Variants in HECW1 observed in about 807,000 individuals in gnomAD.
HECW1 encodes E3 ubiquitin-protein ligase HECW1.
HECW1 carries 61 observed loss-of-function variants against 182.3 expected under a neutral mutation model. The ratio of observed to expected loss-of-function variants is 0.33; its 90% CI spans 0.27 to 0.41. HECW1 has a LOEUF of 0.41. HECW1 is among the 10% of genes least tolerant of loss of function. The pLI is 1.00. For synonymous variants in HECW1, 859 were observed against 832.6 expected, an observed-to-expected ratio of 1.03 and a Z score of -0.55; for missense variants, 1,739 against 2,108.9, an observed-to-expected ratio of 0.82 and a Z score of 3.44.
chr7:43,392,587 G>A (rs2152835332), intron 6 of HECW1, among the ~76,000 whole-genome samples: 1 of 152,276 alleles, frequency 6.6e-6, no homozygotes, highest in South Asian at 2.1e-4. Context: ...CCTTGCCCTT[G>A]GGCATAGCTG....
rs200043850 is a variant in HECW1 at position 43,295,108 on chromosome 7, C to A, written c.28-16655C>A. Among the ~76,000 whole-genome samples, 12 of 152,126 alleles carry A rather than the reference C, an allele frequency of 7.9e-5. No individual in the cohort carries two copies. In the East Asian group the frequency reaches 2.1e-3, roughly 27 times the overall value. On this transcript the variant is annotated intron_variant, in intron 3 of 29. Coordinates refer to ENST00000395891, the MANE Select transcript of HECW1 (RefSeq NM_015052.5). Reference sequence around the variant, plus strand: ...CAATTTACAGGAATAGTCACTTATGCCTTAGTCTGGCTTAGTGAAACAATA... The same window carrying A: ...CAATTTACAGGAATAGTCACTTATGACTTAGTCTGGCTTAGTGAAACAATA...
chr7:43,487,167 T>C (rs1050028128), intron 17 of HECW1, among the ~76,000 whole-genome samples: 2 of 152,194 alleles, frequency 1.3e-5, no homozygotes, highest in Non-Finnish European at 2.9e-5. Context: ...TCTCCAGTGT[T>C]TGCAGAGAGA....
intron 8 of HECW1, among the ~76,000 whole-genome samples, chr7:43,419,172 T>G (rs937368749): frequency 2.0e-5 from 3 of 152,222 alleles, no homozygotes; most frequent in African/African-American, 7.2e-5. Flanking sequence ...GCCCCAGGCT[T>G]CTTTGCCTGG....
At chr7:43,257,005 C>T (rs937274500) in intron 3 of HECW1, among the ~76,000 whole-genome samples, 1 of 152,184 alleles carries the variant, frequency 6.6e-6, no homozygotes, top group African/African-American at 2.4e-5. Flanking sequence ...ACTCTCTCTC[C>T]GTTCCCAAAT....
At chr7:43,542,800 G>A (rs532205052) in intron 26 of HECW1, among the ~76,000 whole-genome samples, 47 of 152,230 alleles carry the variant, frequency 3.1e-4, no homozygotes, top group African/African-American at 1.1e-3. Flanking sequence ...AATTCCTTGG[G>A]AACTACTTCC....
chr7:43,258,747 G>T (rs950609824), intron 3 of HECW1: 1 of 152,188 alleles, frequency 6.6e-6, no homozygotes, highest in Non-Finnish European at 1.5e-5. Flanking sequence ...TAGAGTTGTT[G>T]TTGGCCCTGT....
rs560420020 is a variant in HECW1, at chr7:43,264,812, C to G, written c.27+20880C>G. On this transcript the variant is annotated intron_variant, in intron 3 of 29. Coordinates refer to ENST00000395891, the MANE Select transcript of HECW1 (RefSeq NM_015052.5). ...TGAGCCGAGATCGCACCACTGCACT[C>G]CAGCCCGGGCGACAGAGTGAGACTC... Among the ~76,000 whole-genome samples, 31 of 149,864 alleles carry G rather than the reference C, an allele frequency of 2.1e-4. No homozygotes were observed. In the South Asian group the frequency reaches 6.6e-3, roughly 32 times the overall value.
chr7:43,153,562 G>A (rs1296432082), intron 2 of HECW1, among the ~76,000 whole-genome samples: 1 of 152,088 alleles, frequency 6.6e-6, no homozygotes, highest in African/African-American at 2.4e-5. Flanking sequence ...TGTTTTCTTT[G>A]TATTGGTTGT....
intron 2 of HECW1, among the ~76,000 whole-genome samples, chr7:43,221,537 GTTTTTTTTTTTTTTTTTTTTTTTTTT>G (rs71008897): frequency 6.1e-4 from 31 of 50,538 alleles, no homozygotes; most frequent in East Asian, 4.8e-3. Context: ...GAGGAATTAG[GTTTTTTTTTTTTTTTTTTTTTTTTTT>G]TTTTTTTTTT....
intron 6 of HECW1, among the ~76,000 whole-genome samples, chr7:43,377,434 C>A (rs2074376718): frequency 6.6e-6 from 1 of 152,130 alleles, no homozygotes; most frequent in South Asian, 2.1e-4. Context: ...TGCCCCCTCA[C>A]AATAATTAAT....
chr7:43,262,040 G>A (rs1480060463), intron 3 of HECW1, among the ~76,000 whole-genome samples: 1 of 151,950 alleles, frequency 6.6e-6, no homozygotes, highest in East Asian at 1.9e-4. Flanking sequence ...GGACAGTATG[G>A]TGAAACCCCG....
intron 5 of HECW1, among the ~76,000 whole-genome samples, chr7:43,358,685 T>C (rs770560372): frequency 3.3e-5 from 5 of 152,226 alleles, no homozygotes; most frequent in Non-Finnish European, 5.9e-5. Flanking sequence ...ATTTTAAGCC[T>C]ATTTTTAAGT....
chr7:43,123,770 A>G (rs906418783), intron 2 of HECW1, among the ~76,000 whole-genome samples: 20 of 152,104 alleles, frequency 1.3e-4, no homozygotes, highest in African/African-American at 4.6e-4. Context: ...ATGCTGTGGA[A>G]TAGTGGTACC....
At chr7:43,167,768 G>A (rs1171595969) in intron 2 of HECW1, among the ~76,000 whole-genome samples, 2 of 152,138 alleles carry the variant, frequency 1.3e-5, no homozygotes, top group Non-Finnish European at 2.9e-5. Context: ...TCCTGTAATG[G>A]CTGACAAAAG....
chr7:43,253,503 A>G (rs930527959), intron 3 of HECW1, among the ~76,000 whole-genome samples: 1 of 152,110 alleles, frequency 6.6e-6, no homozygotes, highest in Non-Finnish European at 1.5e-5. Flanking sequence ...GTCAGAATAA[A>G]CCCTATTATT....
intron 24 of HECW1, among the ~76,000 whole-genome samples, chr7:43,526,701 T>C (rs746628190): frequency 6.6e-6 from 1 of 152,198 alleles, no homozygotes; most frequent in Non-Finnish European, 1.5e-5. Flanking sequence ...ATTATCCAGT[T>C]AGATGAAGAT....
chr7:43,466,157 G>A (rs930980899), intron 14 of HECW1, among the ~76,000 whole-genome samples: 3 of 140,778 alleles, frequency 2.1e-5, no homozygotes, highest in Non-Finnish European at 4.6e-5. Flanking sequence ...GAGAAAGAAG[G>A]AAGGAAGGAA....
At chr7:43,513,419 C>T (rs909235494) in intron 24 of HECW1, among the ~76,000 whole-genome samples, 1 of 152,198 alleles carries the variant, frequency 6.6e-6, no homozygotes, top group African/African-American at 2.4e-5. Flanking sequence ...AATGGAGAAA[C>T]CCCTGACAGT....
intron 5 of HECW1, among the ~76,000 whole-genome samples, chr7:43,354,703 T>A (rs1336725083): frequency 2.0e-5 from 3 of 152,136 alleles, no homozygotes; most frequent in African/African-American, 7.2e-5. Context: ...ATTATTGGTG[T>A]TCAAAAGGAA....
Sources: gnomAD v4.1 joint callset for allele counts (sites outside exome capture counted in the v4.1 genomes callset) on GRCh38, gnomAD v4.1.1 for gene constraint, MANE v1.5 for transcripts, NCBI Gene and HGNC (gene_info 2026-07-23, HGNC 2026-07-21) for gene names.